B3GAT2: variants seen among roughly 807,000 people sequenced by gnomAD.
The protein encoded by B3GAT2 is galactosylgalactosylxylosylprotein 3-beta-glucuronosyltransferase 2.
Under a neutral mutation model 27.8 loss-of-function variants are expected in B3GAT2, and 26 were observed. The observed-to-expected ratio is 0.93, with a 90% CI of 0.68 to 1.30. B3GAT2 has a LOEUF of 1.30. Among genes scored for constraint, B3GAT2 ranks in the 50% most tolerant of loss-of-function variants. The pLI is 0.00. For missense variants in B3GAT2, 458 were observed against 459.0 expected (o/e 1.00, Z 0.02); for synonymous variants, 218 against 195.1 (o/e 1.12, Z -0.98).
chr6:70,932,768 A>G (rs180841314), intron 1 of B3GAT2, among the ~76,000 whole-genome samples: 90 of 152,334 alleles, frequency 5.9e-4, no homozygotes, highest in African/African-American at 2.0e-3. Flanking sequence ...TTTAGAGGAA[A>G]GTAACATAAC....
At chr6:70,888,139 TCCTCACTTTCAG>T (rs1351896380) in intron 2 of B3GAT2, among the ~76,000 whole-genome samples, 1 of 151,858 alleles carries the variant, frequency 6.6e-6, no homozygotes, top group Admixed American at 6.6e-5. Context: ...ATCACTGTCT[TCCTCACTTTCAG>T]CCTCGACACC....
At chr6:70,924,872 T>C (rs1412225154) in intron 1 of B3GAT2, among the ~76,000 whole-genome samples, 1 of 152,194 alleles carries the variant, frequency 6.6e-6, no homozygotes, top group Non-Finnish European at 1.5e-5. Flanking sequence ...ATGTGAACAA[T>C]TACCAGTCAT....
chr6:70,944,447 T>C (rs1279034773), intron 1 of B3GAT2, among the ~76,000 whole-genome samples: 1 of 69,126 alleles, frequency 1.4e-5, no homozygotes, highest in East Asian at 4.0e-4. Flanking sequence ...GCCCACGGAG[T>C]CTCGCTGATT....
At chr6:70,895,273 C>T (rs193233784) in intron 1 of B3GAT2, among the ~76,000 whole-genome samples, 3 of 152,000 alleles carry the variant, frequency 2.0e-5, no homozygotes, top group Admixed American at 2.0e-4. Context: ...CTTTTATTTG[C>T]TATAGAACTG....
At chr6:70,902,637 TACACAC>T (rs1211771771) in intron 1 of B3GAT2, among the ~76,000 whole-genome samples, 14 of 133,452 alleles carry the variant, frequency 1.0e-4, no homozygotes, top group South Asian at 2.6e-4. Flanking sequence ...TATATATATA[TACACAC>T]ACACACACAC....
intron 2 of B3GAT2, among the ~76,000 whole-genome samples, chr6:70,868,822 G>T (rs981339897): frequency 1.3e-5 from 2 of 152,162 alleles, no homozygotes; most frequent in African/African-American, 4.8e-5. Context: ...AGAAAGATAT[G>T]TGTGGGACCT....
intron 2 of B3GAT2, among the ~76,000 whole-genome samples, chr6:70,880,464 C>G (rs1772084078): frequency 1.3e-5 from 2 of 152,132 alleles, no homozygotes; most frequent in African/African-American, 4.8e-5. Flanking sequence ...TGGAATCACT[C>G]TCAAAACTCA....
At chr6:70,910,585 T>C (rs552726631) in intron 1 of B3GAT2, among the ~76,000 whole-genome samples, 1 of 152,296 alleles carries the variant, frequency 6.6e-6, no homozygotes, top group East Asian at 1.9e-4. Flanking sequence ...GTGATGGAAA[T>C]TTAAGTTGGT....
chr6:70,899,547 C>T (rs973750675), intron 1 of B3GAT2, among the ~76,000 whole-genome samples: 14 of 152,092 alleles, frequency 9.2e-5, no homozygotes, highest in African/African-American at 3.1e-4. Context: ...TCCAGGTATG[C>T]TACATTTTAA....
chr6:70,879,480 G>GATTC lies in B3GAT2; in HGVS notation c.736+14644_736+14647dup, dbSNP rs140959014. On this transcript the variant is annotated intron_variant, in intron 2 of 3. Transcript: ENST00000230053. ...CCTGGCACAGTTGTTCTAAACTTAG[G>GATTC]ATTCATTCATTCATTCATTCATTCA... Among the ~76,000 whole-genome samples, 1,510 of 151,650 alleles carry GATTC rather than the reference G, an allele frequency of 1.0e-2. 17 individuals are homozygous for GATTC. The highest frequency in any genetic ancestry group is 0.027 in the African/African-American group (1,121 of 41,194).
chr6:70,941,537 T>C (rs1465692660), intron 1 of B3GAT2, among the ~76,000 whole-genome samples: 1 of 152,118 alleles, frequency 6.6e-6, no homozygotes, highest in Non-Finnish European at 1.5e-5. Context: ...CCCCTTTTAA[T>C]GGCTGTTGAT....
intron 1 of B3GAT2, among the ~76,000 whole-genome samples, chr6:70,909,305 T>C (rs1582373573): frequency 6.6e-6 from 1 of 152,236 alleles, no homozygotes; most frequent in East Asian, 1.9e-4. Flanking sequence ...ACAAACTATA[T>C]ACTATTGACA....
intron 2 of B3GAT2, among the ~76,000 whole-genome samples, chr6:70,866,235 G>C (rs559968322): frequency 6.6e-6 from 1 of 152,144 alleles, no homozygotes; most frequent in Non-Finnish European, 1.5e-5. Context: ...AGGAGAACTT[G>C]GAAGGTTATC....
chr6:70,880,596 C>G (rs1227845133), intron 2 of B3GAT2, among the ~76,000 whole-genome samples: 1 of 151,980 alleles, frequency 6.6e-6, no homozygotes. Flanking sequence ...TCAAGTGATC[C>G]TTCTGGCTGA....
chr6:70,887,102 G>A (rs945862750), intron 2 of B3GAT2, among the ~76,000 whole-genome samples: 3 of 152,110 alleles, frequency 2.0e-5, no homozygotes, highest in African/African-American at 7.2e-5. Flanking sequence ...CTTAAATCAC[G>A]AATGACTCCA....
Position 70,918,573 on chromosome 6 carries a change from T to C in B3GAT2, c.592-24301A>G, listed in dbSNP as rs557259480. On this transcript the variant is annotated intron_variant, in intron 1 of 3. Coordinates refer to ENST00000230053, the MANE Select transcript of B3GAT2 (RefSeq NM_080742.3). ...ATGTTTAGTTCTTCCTTCAGGAGCT[T>C]TTGTAAGGCAGGCCTGGTGGTGACA... Among the ~76,000 whole-genome samples, 55 of 152,228 alleles carry C rather than the reference T, an allele frequency of 3.6e-4. No homozygotes were observed. The East Asian group carries it at 5.4e-3, about 15-fold the overall frequency.
chr6:70,902,224 T>A (rs1376494734), intron 1 of B3GAT2, among the ~76,000 whole-genome samples: 3 of 152,100 alleles, frequency 2.0e-5, no homozygotes, highest in African/African-American at 7.2e-5. Flanking sequence ...TTAGAAATAG[T>A]TCCTCCTACA....
At chr6:70,919,523 C>G (rs1337806686) in intron 1 of B3GAT2, among the ~76,000 whole-genome samples, 1 of 152,146 alleles carries the variant, frequency 6.6e-6, no homozygotes, top group Non-Finnish European at 1.5e-5. Flanking sequence ...TGGTTTCTCC[C>G]CATCTTTGTG....
At position 70,937,368 on chromosome 6, in the gene B3GAT2, T is replaced by C. The variant is rs541732620; in HGVS notation, c.591+18471A>G. On this transcript the variant is annotated intron_variant, in intron 1 of 3. Coordinates refer to ENST00000230053, the MANE Select transcript of B3GAT2 (RefSeq NM_080742.3). ...TTCCTTCTGAAACTATTCCAATCAA[T>C]AGAAAAAGAGGGAATCCTCCCTAAC... Among the ~76,000 whole-genome samples the C allele has an allele frequency of 3.2e-4, 49 of 151,168 alleles. 1 individual carries two copies. The South Asian group carries it at 9.5e-3, about 29-fold the overall frequency.
Sources: allele counts gnomAD v4.1 joint callset (sites outside exome capture counted in the v4.1 genomes callset), GRCh38; gene constraint gnomAD v4.1.1; transcripts MANE v1.5; gene names NCBI Gene and HGNC (gene_info 2026-07-23, HGNC 2026-07-21).